Variants in ADCK1 observed in about 807,000 individuals in gnomAD.
The protein encoded by ADCK1 is aarF domain-containing protein kinase 1.
Under a neutral mutation model 52.3 loss-of-function variants are expected in ADCK1, and 41 were observed. That is an observed-to-expected ratio of 0.78 (90% CI 0.61 to 1.02). The LOEUF is 1.02. ADCK1 is among the 50% of genes least tolerant of loss of function. The probability of loss-of-function intolerance (pLI) is 0.00; values close to 1 mark genes in which losing one functional copy is unlikely to be tolerated. For synonymous variants in ADCK1, 250 were observed against 274.6 expected (o/e 0.91, Z 0.89); for missense variants, 658 against 679.5 (o/e 0.97, Z 0.35).
intron 6 of ADCK1, among the ~76,000 whole-genome samples, chr14:77,905,747 G>A (rs141191321): frequency 1.6e-4 from 24 of 152,230 alleles, no homozygotes; most frequent in African/African-American, 5.8e-4. Flanking sequence ...CCAGGAGTTC[G>A]AGGCTGCAGT....
At chr14:77,869,532 C>T (rs1177443919) in intron 4 of ADCK1, among the ~76,000 whole-genome samples, 1 of 152,092 alleles carries the variant, frequency 6.6e-6, no homozygotes, top group Non-Finnish European at 1.5e-5. Context: ...CTGCAATGAC[C>T]TCATTTCCAA....
chr14:77,894,293 T>G (rs2083349617), intron 5 of ADCK1, among the ~76,000 whole-genome samples: 1 of 152,206 alleles, frequency 6.6e-6, no homozygotes, highest in African/African-American at 2.4e-5. Context: ...TTTCGATCCT[T>G]GTTGAACGTT....
chr14:77,876,321 AC>A (rs1304814172), intron 4 of ADCK1, among the ~76,000 whole-genome samples: 2 of 151,736 alleles, frequency 1.3e-5, no homozygotes, highest in African/African-American at 4.8e-5. Context: ...TGCCTTTTTT[AC>A]CCTGTCACCT....
intron 4 of ADCK1, among the ~76,000 whole-genome samples, chr14:77,861,728 C>T (rs1411903432): frequency 2.6e-5 from 4 of 152,132 alleles, no homozygotes; most frequent in Admixed American, 2.0e-4. Flanking sequence ...GAGGGAGGTG[C>T]TTGGATGGTC....
At chr14:77,835,794 C>T (rs980546771) in intron 3 of ADCK1, among the ~76,000 whole-genome samples, 3 of 152,196 alleles carry the variant, frequency 2.0e-5, no homozygotes, top group African/African-American at 7.2e-5. Context: ...CACCACCACA[C>T]CTGGCTAATT....
At chr14:77,838,749 A>G (rs774127257) in intron 3 of ADCK1, among the ~76,000 whole-genome samples, 1 of 152,024 alleles carries the variant, frequency 6.6e-6, no homozygotes, top group Non-Finnish European at 1.5e-5. Flanking sequence ...AACCCCCAAC[A>G]TGTTATGGGA....
intron 7 of ADCK1, among the ~76,000 whole-genome samples, chr14:77,919,862 G>C (rs1320438942): frequency 6.6e-6 from 1 of 152,078 alleles, no homozygotes; most frequent in Non-Finnish European, 1.5e-5. Flanking sequence ...TCATATGTTT[G>C]TTGGCCATTT....
chr14:77,862,186 C>G (rs1432485635), intron 4 of ADCK1, among the ~76,000 whole-genome samples: 1 of 152,044 alleles, frequency 6.6e-6, no homozygotes, highest in African/African-American at 2.4e-5. Context: ...ACTTTTTTTC[C>G]TTTATTTGGT....
At chr14:77,931,285 G>A (rs939528238) in intron 9 of ADCK1, among the ~76,000 whole-genome samples, 2 of 152,212 alleles carry the variant, frequency 1.3e-5, no homozygotes, top group African/African-American at 4.8e-5. Context: ...CACATCCAAC[G>A]CTTTCCTAGA....
chr14:77,830,936 A>G (rs2081835142), intron 3 of ADCK1, among the ~76,000 whole-genome samples: 1 of 152,158 alleles, frequency 6.6e-6, no homozygotes, highest in Non-Finnish European at 1.5e-5. Flanking sequence ...AGTAATGGTT[A>G]ATATCTTCTT....
Position 77,859,213 on chromosome 14 carries a change from C to T in ADCK1, c.357C>T (p.His119=). 1 of 1,614,052 alleles carries T rather than the reference C, an allele frequency of 6.2e-7. No individual in the cohort carries two copies. The highest frequency in any genetic ancestry group is 2.2e-5 in the East Asian group (1 of 44,874). Residue 119 remains histidine (H), a synonymous_variant, in exon 4 of 11, where the codon CAC becomes CAT. Coordinates refer to ENST00000238561, the MANE Select transcript of ADCK1 (RefSeq NM_020421.4). ...ACACCAGCACGCTGAAGGTACTGCA[C>T]AGCCAGGCTCCACAGAGCAGCATGC... ...EEYTSTLKVL[H]SQAPQSSMQE...
intron 1 of ADCK1, among the ~76,000 whole-genome samples, chr14:77,803,745 A>G (rs2081162081): frequency 6.6e-6 from 1 of 152,230 alleles, no homozygotes; most frequent in Non-Finnish European, 1.5e-5. Context: ...TGCCTCCCAC[A>G]TGCCTGGCAC....
chr14:77,846,427 C>A (rs3783974), intron 3 of ADCK1, among the ~76,000 whole-genome samples: 100,000 of 152,044 alleles, frequency 0.66, 33,970 homozygotes, highest in Middle Eastern at 0.83. Flanking sequence ...GAGAAGCAGT[C>A]GGAGTCCATG....
At chr14:77,841,183 G>A (rs904885522) in intron 3 of ADCK1, among the ~76,000 whole-genome samples, 16 of 152,166 alleles carry the variant, frequency 1.1e-4, no homozygotes, top group Admixed American at 9.8e-4. Flanking sequence ...AAGCCTAAAA[G>A]CCCCGATGTG....
chr14:77,887,570 G>A (rs138279817), intron 5 of ADCK1, among the ~76,000 whole-genome samples: 8 of 152,310 alleles, frequency 5.3e-5, no homozygotes, highest in African/African-American at 9.6e-5. Context: ...TGAACCAAAG[G>A]TGTGTTTTTT....
intron 5 of ADCK1, among the ~76,000 whole-genome samples, chr14:77,894,364 C>G (rs1376336930): frequency 6.6e-6 from 1 of 152,126 alleles, no homozygotes; most frequent in Non-Finnish European, 1.5e-5. Context: ...TCCCATGGAA[C>G]ATTATTTCTT....
intron 1 of ADCK1, among the ~76,000 whole-genome samples, chr14:77,804,895 C>T (rs1036505785): frequency 6.6e-6 from 1 of 152,076 alleles, no homozygotes; most frequent in African/African-American, 2.4e-5. Context: ...TGAGTAGATG[C>T]GTCAGAGATG....
intron 9 of ADCK1, among the ~76,000 whole-genome samples, chr14:77,929,231 G>A (rs532636520): frequency 7.6e-4 from 116 of 152,316 alleles, no homozygotes; most frequent in African/African-American, 2.6e-3. Flanking sequence ...CCAACTAACC[G>A]TGGCTTAAAC....
chr14:77,932,938 A>G (rs2084373056), intron 10 of ADCK1, among the ~76,000 whole-genome samples: 1 of 152,228 alleles, frequency 6.6e-6, no homozygotes, highest in Non-Finnish European at 1.5e-5. Flanking sequence ...AGAAAGAAAC[A>G]TTGGAATGTT....
Sources: gnomAD v4.1 joint callset for allele counts (sites outside exome capture counted in the v4.1 genomes callset) on GRCh38, gnomAD v4.1.1 for gene constraint, MANE v1.5 for transcripts, NCBI Gene and HGNC (gene_info 2026-07-23, HGNC 2026-07-21) for gene names.